The following GFM1 variants were observed in gnomAD, a reference collection of about 807,000 sequenced individuals.
The protein encoded by GFM1 is elongation factor G, mitochondrial.
Under a neutral mutation model 96.2 loss-of-function variants are expected in GFM1, and 62 were observed. The ratio of observed to expected loss-of-function variants is 0.64; its 90% CI spans 0.53 to 0.80. The LOEUF is 0.80. Ranked by LOEUF, GFM1 falls within the 30% of genes least tolerant of loss-of-function variation. The pLI is 0.00. For synonymous variants in GFM1, 282 were observed against 312.9 expected, an observed-to-expected ratio of 0.90 and a Z score of 1.04; for missense variants, 852 against 916.6, an observed-to-expected ratio of 0.93 and a Z score of 0.91.
chr3:158,684,389 A>G, intron 14 of GFM1, 135 bp from the exon 15 acceptor site: 1 of 838,128 alleles, frequency 1.2e-6, no homozygotes, highest in South Asian at 1.6e-5. Context: ...AACATTTTTA[A>G]AAAATTATTT....
chr3:158,672,702 G>A lies in GFM1; in HGVS notation c.1601+6316G>A, dbSNP rs1724473858. 3 of 459,268 alleles carry A rather than the reference G, an allele frequency of 6.5e-6. No individual in the cohort carries two copies. The South Asian group carries it at 7.0e-5, about 11-fold the overall frequency. 28.4% of individuals were successfully genotyped at this position (459,268 alleles called of 1,614,324 possible). A position where few individuals can be genotyped will look rare whatever the true frequency, so the allele number is the denominator to read the frequency against. ...CTGGGCTGACTGCTTCTGAGGCCCCGCCCCACTACTGCCTGCAGCGGGCTT... is the reference window on the plus strand; with the variant it reads ...CTGGGCTGACTGCTTCTGAGGCCCCACCCCACTACTGCCTGCAGCGGGCTT... On this transcript the variant is annotated intron_variant, in intron 13 of 17. Transcript: ENST00000486715.
chr3:158,672,543 C>T, intron 13 of GFM1: 13 of 1,593,828 alleles, frequency 8.2e-6, no homozygotes, highest in Non-Finnish European at 1.1e-5. Context: ...AGCAGAGCGC[C>T]GCCCGTCCTG....
intron 5 of GFM1, 33 bp from the exon 6 acceptor site, chr3:158,652,063 A>G: frequency 6.3e-7 from 1 of 1,593,954 alleles, no homozygotes; most frequent in Non-Finnish European, 8.6e-7. Context: ...TAAGTTGAAT[A>G]TCCTTAAAGC....
At position 158,694,357 on chromosome 3, in the gene GFM1, A is replaced by C. The variant is rs1559865225; in HGVS notation, c.*2890A>C. On this transcript the variant is annotated 3_prime_UTR_variant, in exon 18 of 18. Transcript: ENST00000486715. The stretch of plus-strand genomic sequence containing the variant: ...AGAAAACCAAATACTGCATGTTCTC[A>C]CTTATAAGTGGGAGCTAAATAATGA... Among the ~76,000 whole-genome samples, 1 of 152,200 alleles carries C rather than the reference A, an allele frequency of 6.6e-6. No homozygotes were observed. The highest frequency in any genetic ancestry group is 2.4e-5 in the African/African-American group (1 of 41,436).
intron 9 of GFM1, among the ~76,000 whole-genome samples, chr3:158,659,947 A>G (rs568709186): frequency 6.6e-6 from 1 of 152,318 alleles, no homozygotes; most frequent in African/African-American, 2.4e-5. Flanking sequence ...CTGTGTCACC[A>G]TTAAAGAAAG....
Position 158,646,786 on chromosome 3 carries a change from G to A in GFM1, c.411G>A (p.Val137=). 6.2e-7 allele frequency: 1 copy of A among 1,614,168 alleles called. No individual in the cohort carries two copies. Among genetic ancestry groups the A allele is most frequent in the East Asian group, 2.2e-5 (1 of 44,884 alleles). The change falls in exon 4 of 18, where the codon GTG becomes GTA. Residue 137 remains valine (V), a synonymous_variant. Transcript: ENST00000486715. ...FTIEVERALR[V]LDGAVLVLCA... is the part of the protein sequence containing the mutation. ...TAGAAGTGGAAAGGGCCCTGAGAGT[G>A]TTGGATGGTGCAGTCCTTGTTCTCT...
At position 158,693,254 on chromosome 3, in the gene GFM1, A is replaced by T. The variant is rs573660802; in HGVS notation, c.*1787A>T. On this transcript the variant is annotated 3_prime_UTR_variant, in exon 18 of 18. Transcript: ENST00000486715. ...ATTTCCTCAGCATCTTGTGACATTC[A>T]CAATAACTTTGAATATTGTTCCTAA... 1.7e-4 allele frequency: 26 copies of T among 152,324 alleles called. No individual in the cohort carries two copies. The East Asian group carries it at 5.0e-3, about 29-fold the overall frequency. The allele number at this position is 152,324 out of a possible 1,614,324, so 9.4% of individuals were successfully genotyped here. A position where few individuals can be genotyped will look rare whatever the true frequency, so the allele number is the denominator to read the frequency against.
rs199976566 is a variant in GFM1 at position 158,660,963 on chromosome 3, C to T, written c.1311C>T (p.Ser437=). 116 of 1,612,824 alleles carry T rather than the reference C, an allele frequency of 7.2e-5. No individual in the cohort carries two copies. Among genetic ancestry groups the T allele is most frequent in the Middle Eastern group, 1.6e-4 (1 of 6,070 alleles). The part of the protein sequence containing the change: ...SGDTFTDKAN[S]GLSMESIHVP... ...ACACATTCACAGACAAAGCCAACAG[C>T]GGCCTTTCTATGGTAAGCCATTTAA... Residue 437 remains serine, a synonymous_variant, in exon 10 of 18, where the codon AGC becomes AGT. Coordinates refer to ENST00000486715, the MANE Select transcript of GFM1 (RefSeq NM_024996.7).
At chr3:158,652,495 A>G (rs368280872) in intron 6 of GFM1, among the ~76,000 whole-genome samples, 11 of 152,322 alleles carry the variant, frequency 7.2e-5, no homozygotes, top group African/African-American at 2.4e-4. Context: ...TTTAGTCTCT[A>G]TTAGAGCCAG....
At chr3:158,653,576 T>G (rs1722480597) in intron 7 of GFM1, 109 bp downstream of exon 7, 2 of 835,070 alleles carry the variant, frequency 2.4e-6, no homozygotes, top group Non-Finnish European at 3.8e-6. Context: ...TTTTTTTTCA[T>G]AATTTACAAT....
chr3:158,659,546 T>C (rs1325908333), intron 9 of GFM1, among the ~76,000 whole-genome samples: 2 of 152,282 alleles, frequency 1.3e-5, no homozygotes, highest in African/African-American at 2.4e-5. Context: ...CAGGACCATA[T>C]TGGGGCCAGA....
chr3:158,691,265 ATGACTTTTACT>A, intron 17 of GFM1, 60 bp from the exon 18 acceptor site: 1 of 1,607,290 alleles, frequency 6.2e-7, no homozygotes, highest in Non-Finnish European at 8.5e-7. Flanking sequence ...TTGACCTTGT[ATGACTTTTACT>A]TGATAGTTTA....
Position 158,644,603 on chromosome 3 carries a change from C to T in GFM1, c.-32C>T, listed in dbSNP as rs746558595. 5.2e-6 allele frequency: 8 copies of T among 1,549,514 alleles called. No individual in the cohort carries two copies. The African/African-American group carries it at 9.6e-5, about 19-fold the overall frequency. ...ACCGGCAGCTGAACCCACCCGGCGC[C>T]ACGGGACTTTGACGCGTGCTCTGCG... is the stretch of plus-strand genomic sequence containing the variant. On this transcript the variant is annotated 5_prime_UTR_variant, in exon 1 of 18. Transcript: ENST00000486715.
chr3:158,685,225 T>C (rs899216970), intron 15 of GFM1: 2 of 153,200 alleles, frequency 1.3e-5, no homozygotes, highest in Admixed American at 6.5e-5. Flanking sequence ...TAGAACCTTA[T>C]GCAGTTGCAA....
chr3:158,694,456 G>A lies in GFM1; in HGVS notation c.*2989G>A, dbSNP rs374345083. Among the ~76,000 whole-genome samples, 8 of 152,280 alleles carry A rather than the reference G, an allele frequency of 5.3e-5. 1 individual carries two copies. The highest frequency in any genetic ancestry group is 3.9e-4 in the East Asian group (2 of 5,178). ...AGGATGGAGGGTGGGTGGAGGGAGA[G>A]GATCAGGAAAAATAACTAATGGGTA... On this transcript the variant is annotated 3_prime_UTR_variant, in exon 18 of 18. Coordinates refer to ENST00000486715, the MANE Select transcript of GFM1 (RefSeq NM_024996.7).
At chr3:158,682,453 AG>A (rs1725479139) in intron 14 of GFM1, 1 of 338,258 alleles carries the variant, frequency 3.0e-6, no homozygotes, top group Non-Finnish European at 5.6e-6. Flanking sequence ...AGTAGTTCTT[AG>A]GGATTTATAA....
At chr3:158,680,093 T>C (rs1056168934) in intron 13 of GFM1, among the ~76,000 whole-genome samples, 1 of 152,212 alleles carries the variant, frequency 6.6e-6, no homozygotes, top group African/African-American at 2.4e-5. Flanking sequence ...AATTCTTACA[T>C]ATATGTATAT....
At chr3:158,651,979 G>T in intron 5 of GFM1, 117 bp from the exon 6 acceptor site, 1 of 812,100 alleles carries the variant, frequency 1.2e-6, no homozygotes, top group East Asian at 2.7e-5. Flanking sequence ...GAATGCAAAT[G>T]TATCAGAGCT....
In GFM1 at chr3:158,660,907, G is replaced by A. The variant is rs767918487; in HGVS notation, c.1255G>A (p.Ala419Thr). 4.3e-6 allele frequency: 7 copies of A among 1,614,020 alleles called. No homozygotes were observed. The highest frequency in any genetic ancestry group is 5.9e-6 in the Non-Finnish European group (7 of 1,179,944). The change falls in exon 10 of 18, where the codon GCA becomes ACA. Residue 419 changes from alanine (A) to threonine (T), a missense_variant. Transcript: ENST00000486715. ...VEEVYAGDICALFGIDCASGD... is the reference protein window; with the variant it reads ...VEEVYAGDICTLFGIDCASGD... Reference sequence around the variant, plus strand: ...GGAAGTATATGCCGGAGACATCTGTGCATTGTTTGGCATTGACTGTGCTAG... The same window carrying A: ...GGAAGTATATGCCGGAGACATCTGTACATTGTTTGGCATTGACTGTGCTAG...
Sources: gnomAD v4.1 joint callset for allele counts (sites outside exome capture counted in the v4.1 genomes callset) on GRCh38, gnomAD v4.1.1 for gene constraint, MANE v1.5 for transcripts, NCBI Gene and HGNC (gene_info 2026-07-23, HGNC 2026-07-21) for gene names.